The following RYR3 variants were observed in gnomAD, a reference collection of about 807,000 sequenced individuals.
RYR3 encodes the protein ryanodine receptor 3.
Under a neutral mutation model 584.3 loss-of-function variants are expected in RYR3, and 207 were observed. The observed-to-expected ratio is 0.35, with a 90% CI of 0.32 to 0.40. The LOEUF (loss-of-function observed/expected upper bound fraction) is 0.40, where lower values mean the gene tolerates loss of function less well. RYR3 is among the 10% of genes least tolerant of loss of function. The pLI is 1.00. For missense variants in RYR3, 5,616 were observed against 6,089.2 expected (o/e 0.92, Z 2.59); for synonymous variants, 2,416 against 2,248.5 (o/e 1.07, Z -2.11).
chr15:33,811,441 A>G (rs1035820115), intron 72 of RYR3, among the ~76,000 whole-genome samples: 1 of 151,246 alleles, frequency 6.6e-6, no homozygotes, highest in African/African-American at 2.4e-5. Context: ...AACCTGGGAG[A>G]CGGAGGTTGT....
rs564956235 is a variant in RYR3 at position 33,602,335 on chromosome 15, G to A, written c.1922+783G>A. Among the ~76,000 whole-genome samples the A allele has an allele frequency of 2.6e-5, 4 of 152,180 alleles. No homozygotes were observed. The South Asian group carries it at 8.3e-4, about 32-fold the overall frequency. ...ATTCCTAACATAAAAACTCTAAGTG[G>A]TGTATCTTAAGCTTTTAACCACTTT... On this transcript the variant is annotated intron_variant, in intron 17 of 103. Transcript: ENST00000634891.
At chr15:33,846,126 C>T (rs1233074321) in intron 93 of RYR3, among the ~76,000 whole-genome samples, 1 of 152,216 alleles carries the variant, frequency 6.6e-6, no homozygotes, top group Non-Finnish European at 1.5e-5. Context: ...GCATCTCCTT[C>T]TCCACGTGGC....
At chr15:33,736,172 T>C in intron 48 of RYR3, 63 bp from the exon 49 acceptor site, 1 of 1,088,870 alleles carries the variant, frequency 9.2e-7, no homozygotes, top group Non-Finnish European at 1.4e-6. Flanking sequence ...AGTGTTTCTT[T>C]CATTCCTCCT....
chr15:33,652,976 A>G, intron 32 of RYR3, 93 bp downstream of exon 32: 1 of 1,342,900 alleles, frequency 7.4e-7, no homozygotes, highest in Non-Finnish European at 1.0e-6. Flanking sequence ...TTCCTGCCAC[A>G]GTGTGTCAAG....
chr15:33,778,604 C>A (rs1309794831), intron 64 of RYR3, among the ~76,000 whole-genome samples: 1 of 152,212 alleles, frequency 6.6e-6, no homozygotes, highest in Non-Finnish European at 1.5e-5. Context: ...GGGGAATAGG[C>A]CTGGCCTGGG....
intron 9 of RYR3, 82 bp from the exon 10 acceptor site, chr15:33,550,078 A>T: frequency 7.2e-7 from 1 of 1,388,310 alleles, no homozygotes; most frequent in Non-Finnish European, 9.8e-7. Context: ...GTCTGCTAGC[A>T]TGTGTAAGAA....
chr15:33,756,550 A>G (rs915967683), intron 59 of RYR3, among the ~76,000 whole-genome samples, 177 bp downstream of exon 59: 15 of 152,070 alleles, frequency 9.9e-5, no homozygotes, highest in African/African-American at 3.6e-4. Context: ...GGAGGGATGC[A>G]GTCTGCCTAG....
rs1023779061 is a variant in RYR3, at chr15:33,352,784, C to T, written c.51+41688C>T. Among the ~76,000 whole-genome samples the T allele has an allele frequency of 5.9e-5, 9 of 152,102 alleles. No homozygotes were observed. In the East Asian group the frequency reaches 1.7e-3, roughly 29 times the overall value. Reference sequence around the variant, plus strand: ...TAGCTTTTAAAACAGATACCTATGCCCACTTCTGTTTACTCATGGTGGTCA... The same window carrying T: ...TAGCTTTTAAAACAGATACCTATGCTCACTTCTGTTTACTCATGGTGGTCA... On this transcript the variant is annotated intron_variant, in intron 1 of 103. Coordinates refer to ENST00000634891, the MANE Select transcript of RYR3 (RefSeq NM_001036.6).
chr15:33,318,633 G>T (rs1968529928), intron 1 of RYR3, among the ~76,000 whole-genome samples: 1 of 152,156 alleles, frequency 6.6e-6, no homozygotes, highest in Non-Finnish European at 1.5e-5. Flanking sequence ...TCTGGAGATG[G>T]CGGTTCAGAC....
At position 33,662,807 on chromosome 15, in the gene RYR3, T is replaced by A; in HGVS notation, c.5277T>A (p.Ser1759Arg). Residue 1759 changes from serine to arginine, a missense_variant, in exon 35 of 104, where the codon AGT becomes AGA. Physicochemically the swap from Ser to Arg is moderately radical, Grantham distance 110 (BLOSUM62 -1). Around this residue, in one of 9 missense-constraint regions of RYR3, gnomAD observed 753 missense variants for 741.0 expected, o/e 1.02. Coordinates refer to ENST00000634891, the MANE Select transcript of RYR3 (RefSeq NM_001036.6). ...LIDPSVFGEHSAGTEEGAEKE... is the reference protein window; with the variant it reads ...LIDPSVFGEHRAGTEEGAEKE... Reference sequence around the variant, plus strand: ...ATCCCTCTGTGTTTGGGGAGCATAGTGCGGGGACAGAGGAGGGAGCAGAAA... The same window carrying A: ...ATCCCTCTGTGTTTGGGGAGCATAGAGCGGGGACAGAGGAGGGAGCAGAAA... The A allele has an allele frequency of 6.2e-7, 1 of 1,613,802 alleles. No individual in the cohort carries two copies. Among genetic ancestry groups the A allele is most frequent in the Non-Finnish European group, 8.5e-7 (1 of 1,179,850 alleles).
At chr15:33,846,537 C>G (rs2078735886) in intron 93 of RYR3, among the ~76,000 whole-genome samples, 1 of 152,138 alleles carries the variant, frequency 6.6e-6, no homozygotes, top group Non-Finnish European at 1.5e-5. Flanking sequence ...AGGAAGTCTC[C>G]TTAAGTACAG....
intron 85 of RYR3, among the ~76,000 whole-genome samples, 183 bp downstream of exon 85, chr15:33,827,470 G>A (rs1286525254): frequency 6.6e-6 from 1 of 152,186 alleles, no homozygotes; most frequent in East Asian, 1.9e-4. Flanking sequence ...GACAGAAGTG[G>A]GAGACGTGGT....
At chr15:33,379,384 T>C (rs909914583) in intron 1 of RYR3, among the ~76,000 whole-genome samples, 3 of 152,102 alleles carry the variant, frequency 2.0e-5, no homozygotes, top group East Asian at 1.9e-4. Flanking sequence ...TGGAACAAAA[T>C]GGACATTGGA....
chr15:33,720,224 T>C (rs2067810177), intron 43 of RYR3, among the ~76,000 whole-genome samples: 1 of 152,202 alleles, frequency 6.6e-6, no homozygotes, highest in South Asian at 2.1e-4. Context: ...AAAGAGGATG[T>C]CAGCAAGCCA....
At chr15:33,728,225 GCCA>G (rs1487932691) in intron 46 of RYR3, among the ~76,000 whole-genome samples, 1 of 152,124 alleles carries the variant, frequency 6.6e-6, no homozygotes, top group Non-Finnish European at 1.5e-5. Context: ...CCAATTTCAA[GCCA>G]CCAATGTAAT....
chr15:33,725,154 TACACACACACACACACACACACACAC>T (rs58951939), intron 45 of RYR3, among the ~76,000 whole-genome samples: 5 of 113,840 alleles, frequency 4.4e-5, no homozygotes, highest in African/African-American at 6.7e-5. Flanking sequence ...TCCAACACCT[TACACACACACACACACACACACACAC>T]ACACACACAC....
chr15:33,324,962 A>G (rs1393979203), intron 1 of RYR3, among the ~76,000 whole-genome samples: 2 of 152,228 alleles, frequency 1.3e-5, no homozygotes, highest in African/African-American at 4.8e-5. Context: ...GACATCACAT[A>G]TGCATTTGCC....
intron 16 of RYR3, among the ~76,000 whole-genome samples, chr15:33,589,511 G>A (rs1434891482): frequency 6.6e-6 from 1 of 152,062 alleles, no homozygotes; most frequent in African/African-American, 2.4e-5. Context: ...TGCTTCTGAC[G>A]TCTTAGTCAT....
intron 38 of RYR3, among the ~76,000 whole-genome samples, chr15:33,684,693 G>C (rs1433139976): frequency 6.6e-6 from 1 of 152,136 alleles, no homozygotes; most frequent in African/African-American, 2.4e-5. Context: ...ATAAAGGGCA[G>C]CCAGAGAGAA....
Sources: allele counts gnomAD v4.1 joint callset (sites outside exome capture counted in the v4.1 genomes callset), GRCh38; gene constraint gnomAD v4.1.1; regional missense constraint gnomAD v4.1.1; transcripts MANE v1.5; gene names NCBI Gene and HGNC (gene_info 2026-07-23, HGNC 2026-07-21).